ADGRL4: variants seen among roughly 807,000 people sequenced by gnomAD.
ADGRL4 encodes the protein EGF, latrophilin and seven transmembrane domain containing 1.
A neutral mutation model predicts 74.8 loss-of-function variants in ADGRL4; 90 were observed. The ratio of observed to expected loss-of-function variants is 1.20; its 90% CI spans 1.02 to 1.43. ADGRL4 has a LOEUF of 1.43. Among genes scored for constraint, ADGRL4 ranks in the 40% most tolerant of loss-of-function variants. ADGRL4 has a pLI of 0.00. For missense variants in ADGRL4, 881 were observed against 814.3 expected, an observed-to-expected ratio of 1.08 and a Z score of -1.00; for synonymous variants, 311 against 279.2, an observed-to-expected ratio of 1.11 and a Z score of -1.14.
chr1:78,968,500 C>CGGG (rs1377907295), intron 2 of ADGRL4, among the ~76,000 whole-genome samples: 3 of 5,308 alleles, frequency 5.7e-4, no homozygotes, highest in African/African-American at 9.8e-4. Flanking sequence ...GGGTGGAGGG[C>CGGG]GGTGGGGGGG....
intron 7 of ADGRL4, among the ~76,000 whole-genome samples, chr1:78,932,166 T>C (rs1649256844): frequency 6.6e-6 from 1 of 151,408 alleles, no homozygotes; most frequent in African/African-American, 2.5e-5. Context: ...TAAAATCGAC[T>C]ACATAACTGG....
chr1:78,927,150 CTT>C (rs1373736191), intron 7 of ADGRL4, 59 bp from the exon 8 acceptor site: 2 of 1,108,688 alleles, frequency 1.8e-6, no homozygotes, highest in Non-Finnish European at 2.6e-6. Context: ...TATTTAGACT[CTT>C]AAGATAAACA....
intron 12 of ADGRL4, among the ~76,000 whole-genome samples, chr1:78,916,990 T>C (rs551444568): frequency 1.3e-5 from 2 of 151,884 alleles, no homozygotes; most frequent in Non-Finnish European, 2.9e-5. Flanking sequence ...TTGAAACCAC[T>C]TCCAATAAGA....
intron 7 of ADGRL4, among the ~76,000 whole-genome samples, chr1:78,931,348 G>C (rs1649238717): frequency 6.6e-6 from 1 of 151,374 alleles, no homozygotes; most frequent in Non-Finnish European, 1.5e-5. Context: ...ACAAGCGAAG[G>C]AGAAATAAAA....
intron 2 of ADGRL4, among the ~76,000 whole-genome samples, chr1:78,998,362 CTTTTT>C (rs71078519): frequency 7.1e-4 from 46 of 65,030 alleles, no homozygotes; most frequent in Middle Eastern, 0.014. Flanking sequence ...TCCACTGATT[CTTTTT>C]TTTTTTTTTT....
intron 2 of ADGRL4, among the ~76,000 whole-genome samples, chr1:78,974,201 T>A (rs772138746): frequency 2.6e-5 from 4 of 152,170 alleles, no homozygotes; most frequent in Non-Finnish European, 5.9e-5. Context: ...GTGACTCTTC[T>A]GATTTTAAAT....
rs952131371 is a variant in ADGRL4 at position 78,891,010 on chromosome 1, G to A, written c.*144C>T. On this transcript the variant is annotated 3_prime_UTR_variant, in exon 15 of 15. Transcript: ENST00000370742. ...TACCTTATTATCTACAGTTCCTATAGCATAAACAGAAAAACTGATTTAAAA... is the reference window on the plus strand; with the variant it reads ...TACCTTATTATCTACAGTTCCTATAACATAAACAGAAAAACTGATTTAAAA... 14 of 799,150 alleles carry A rather than the reference G, an allele frequency of 1.8e-5. No individual in the cohort carries two copies. The Admixed American group carries it at 2.9e-4, about 17-fold the overall frequency. 49.5% of individuals were successfully genotyped at this position (799,150 alleles called of 1,614,324 possible).
At chr1:78,989,541 TG>T (rs1650562663) in intron 2 of ADGRL4, among the ~76,000 whole-genome samples, 1 of 151,830 alleles carries the variant, frequency 6.6e-6, no homozygotes, top group South Asian at 2.1e-4. Context: ...TGGTAAAGAA[TG>T]GGGAGTAATA....
chr1:78,992,206 T>C (rs973405470), intron 2 of ADGRL4, among the ~76,000 whole-genome samples: 1 of 152,052 alleles, frequency 6.6e-6, no homozygotes, highest in Non-Finnish European at 1.5e-5. Context: ...ATTTCCTCCT[T>C]AAAATAAGTA....
At chr1:78,982,451 GTAGAT>G (rs575298861) in intron 2 of ADGRL4, among the ~76,000 whole-genome samples, 3 of 152,030 alleles carry the variant, frequency 2.0e-5, no homozygotes, top group East Asian at 3.9e-4. Flanking sequence ...AAGTACAGCA[GTAGAT>G]TAGCTTCAGG....
intron 13 of ADGRL4, among the ~76,000 whole-genome samples, chr1:78,892,629 C>T (rs182026637): frequency 1.3e-5 from 2 of 152,168 alleles, no homozygotes. Flanking sequence ...TGTTCCCAAG[C>T]AACACAAATA....
At position 78,966,530 on chromosome 1, in the gene ADGRL4, T is replaced by C. The variant is rs558268757; in HGVS notation, c.173-20104A>G. On this transcript the variant is annotated intron_variant, in intron 2 of 14. Coordinates refer to ENST00000370742, the MANE Select transcript of ADGRL4 (RefSeq NM_022159.4). The stretch of plus-strand genomic sequence containing the variant: ...TTCTGAGCCTTTTCATCCTTGGTCT[T>C]CTGAGGGTAGGAGAAACTGTGCCCC... Among the ~76,000 whole-genome samples the C allele has an allele frequency of 3.3e-5, 5 of 152,276 alleles. No homozygotes were observed. In the South Asian group the frequency reaches 1.0e-3, roughly 32 times the overall value.
chr1:78,994,949 C>G (rs1352556), intron 2 of ADGRL4, among the ~76,000 whole-genome samples: 65,658 of 152,010 alleles, frequency 0.43, 14,188 homozygotes, highest in East Asian at 0.59. Context: ...CATAAACACT[C>G]GTTAAGCAAA....
Position 78,956,841 on chromosome 1 carries a change from C to T in ADGRL4, c.173-10415G>A, listed in dbSNP as rs148109236. Among the ~76,000 whole-genome samples, 571 of 152,118 alleles carry T rather than the reference C, an allele frequency of 3.8e-3. 6 individuals are homozygous for T. Among genetic ancestry groups the T allele is most frequent in the African/African-American group, 0.013 (546 of 41,494 alleles). ...AAAACAGAAATGAGTACAGGCATAC[C>T]TTGTCTTACTAAGCCTCACTTTATT... On this transcript the variant is annotated intron_variant, in intron 2 of 14. Coordinates refer to ENST00000370742, the MANE Select transcript of ADGRL4 (RefSeq NM_022159.4).
At chr1:78,932,013 A>T (rs746859877) in intron 7 of ADGRL4, among the ~76,000 whole-genome samples, 1 of 151,468 alleles carries the variant, frequency 6.6e-6, no homozygotes, top group East Asian at 1.9e-4. Flanking sequence ...CATATTAGAC[A>T]GATCAATGAG....
intron 2 of ADGRL4, among the ~76,000 whole-genome samples, chr1:78,979,819 C>T (rs1463519583): frequency 1.3e-5 from 2 of 151,892 alleles, no homozygotes; most frequent in East Asian, 3.9e-4. Flanking sequence ...AAATATCATG[C>T]TCTCACTTAT....
chr1:78,903,755 G>A (rs1648565996), intron 12 of ADGRL4, among the ~76,000 whole-genome samples: 1 of 151,790 alleles, frequency 6.6e-6, no homozygotes, highest in African/African-American at 2.4e-5. Flanking sequence ...CCAACATGGT[G>A]AAACTCCCTC....
chr1:78,985,051 A>G (rs909035561), intron 2 of ADGRL4, among the ~76,000 whole-genome samples: 2 of 151,674 alleles, frequency 1.3e-5, no homozygotes, highest in Non-Finnish European at 2.9e-5. Flanking sequence ...TTTAAAATTT[A>G]TTTGTTTTGT....
At chr1:78,914,393 GA>G (rs1315954608) in intron 12 of ADGRL4, among the ~76,000 whole-genome samples, 1 of 151,776 alleles carries the variant, frequency 6.6e-6, no homozygotes. Flanking sequence ...ATCATGTCCA[GA>G]GCACCCAATT....
Sources: allele counts gnomAD v4.1 joint callset (sites outside exome capture counted in the v4.1 genomes callset), GRCh38; gene constraint gnomAD v4.1.1; transcripts MANE v1.5; gene names NCBI Gene and HGNC (gene_info 2026-07-23, HGNC 2026-07-21).